The following POLR3E variants were observed in gnomAD, a reference collection of about 807,000 sequenced individuals.
POLR3E encodes DNA-directed RNA polymerase III subunit RPC5.
In POLR3E, 41 loss-of-function variants were observed where a neutral mutation model predicts 96.6. The ratio of observed to expected loss-of-function variants is 0.42; its 90% CI spans 0.33 to 0.55. The LOEUF (loss-of-function observed/expected upper bound fraction) is 0.55. Among genes scored for constraint, POLR3E ranks in the 20% least tolerant of loss-of-function variants. The probability of loss-of-function intolerance (pLI) is 0.06; values close to 1 mark genes in which losing one functional copy is unlikely to be tolerated. For synonymous variants in POLR3E, 396 were observed against 383.6 expected, an observed-to-expected ratio of 1.03 and a Z score of -0.38; for missense variants, 849 against 952.1, an observed-to-expected ratio of 0.89 and a Z score of 1.43.
chr16:22,326,182 C>T lies in POLR3E; in HGVS notation c.1770C>T (p.Ala590=), dbSNP rs771579986. The change falls in exon 18 of 21, where the codon GCC becomes GCT. Residue 590 remains alanine, a synonymous_variant. Coordinates refer to ENST00000299853, the MANE Select transcript of POLR3E (RefSeq NM_018119.4). ...ELKRLFNLHL[A]SLPPGHTLFS... is the part of the protein sequence containing the mutation. Reference sequence around the variant, plus strand: ...AGCGCCTCTTCAATCTGCACTTGGCCAGCCTGCCCCCCGGCCACACACTCT... The same window carrying T: ...AGCGCCTCTTCAATCTGCACTTGGCTAGCCTGCCCCCCGGCCACACACTCT... 3.7e-6 allele frequency: 6 copies of T among 1,614,054 alleles called. No individual in the cohort carries two copies. The South Asian group carries it at 6.6e-5, about 18-fold the overall frequency.
chr16:22,300,824 A>G (rs2048006030), intron 1 of POLR3E, among the ~76,000 whole-genome samples: 1 of 152,204 alleles, frequency 6.6e-6, no homozygotes, highest in East Asian at 1.9e-4. Context: ...TTCCTATTAA[A>G]TAGCATTCCC....
At chr16:22,328,731 C>T (rs764910439) in intron 19 of POLR3E, 144 bp downstream of exon 19, 6 of 678,856 alleles carry the variant, frequency 8.8e-6, no homozygotes, top group Non-Finnish European at 1.6e-5. Flanking sequence ...CCTGCTCCAA[C>T]TCTGTACGCT....
chr16:22,304,603 G>A (rs897103203), intron 2 of POLR3E, among the ~76,000 whole-genome samples: 12 of 152,124 alleles, frequency 7.9e-5, no homozygotes, highest in Admixed American at 7.2e-4. Flanking sequence ...AGGCCCAGGG[G>A]TAGGAGAGCA....
intron 2 of POLR3E, among the ~76,000 whole-genome samples, chr16:22,304,082 A>G (rs984842464): frequency 2.3e-4 from 35 of 152,094 alleles, no homozygotes; most frequent in African/African-American, 8.2e-4. Flanking sequence ...AAGTGCAGAG[A>G]TTACAGGCAT....
Position 22,326,074 on chromosome 16 carries a change from C to T in POLR3E, c.1662C>T (p.Ala554=), listed in dbSNP as rs760184867. The T allele has an allele frequency of 9.3e-6, 15 of 1,612,550 alleles. No individual in the cohort carries two copies. The highest frequency in any genetic ancestry group is 1.3e-5 in the Non-Finnish European group (15 of 1,179,094). Residue 554 remains alanine (A), a synonymous_variant, in exon 18 of 21, where the codon GCC becomes GCT. Coordinates refer to ENST00000299853, the MANE Select transcript of POLR3E (RefSeq NM_018119.4). ...ACGGGCACCCGCCCCAGGGCTGCGC[C>T]AGCACCCCTGTGGCTCGGGAACTGA... The part of the protein sequence containing the change: ...SFNGHPPQGC[A]STPVARELKA...
intron 1 of POLR3E, among the ~76,000 whole-genome samples, chr16:22,302,072 A>C (rs7185156): frequency 0.043 from 6,550 of 152,104 alleles, 470 homozygotes; most frequent in African/African-American, 0.15. Context: ...TGAAATACTC[A>C]ACCTGCCCCG....
At position 22,334,807 on chromosome 16, in the gene POLR3E, TAA is replaced by T. The variant is rs1242290210; in HGVS notation, c.*1108_*1109del. ...CAGCCCTAGAAACTGATGGAAAAAA[TAA>T]GAGTAAGCTAGGTTGGATGACATGT... On this transcript the variant is annotated 3_prime_UTR_variant, in exon 21 of 21. Transcript: ENST00000299853. The T allele has an allele frequency of 2.0e-5, 3 of 152,060 alleles. No individual in the cohort carries two copies. Among genetic ancestry groups the T allele is most frequent in the Non-Finnish European group, 2.9e-5 (2 of 68,008 alleles). The allele number at this position is 152,060 out of a possible 1,614,324, so 9.4% of individuals were successfully genotyped here.
At position 22,326,133 on chromosome 16, in the gene POLR3E, T is replaced by C; in HGVS notation, c.1721T>C (p.Phe574Ser). The C allele has an allele frequency of 1.2e-6, 2 of 1,613,830 alleles. No individual in the cohort carries two copies. The highest frequency in any genetic ancestry group is 1.7e-6 in the Non-Finnish European group (2 of 1,179,970). ...GTGGAGGCCACCTTTCAGAGACAGTTTGTGCTCACGCTGAGCGAACTCAAG... is the reference window on the plus strand; with the variant it reads ...GTGGAGGCCACCTTTCAGAGACAGTCTGTGCTCACGCTGAGCGAACTCAAG... ...AFVEATFQRQ[F>S]VLTLSELKRL... Residue 574 changes from phenylalanine (F) to serine (S), a missense_variant, in exon 18 of 21, where the codon TTT becomes TCT. Physicochemically the swap from Phe to Ser is radical, Grantham distance 155 (BLOSUM62 -2). Transcript: ENST00000299853.
intron 3 of POLR3E, among the ~76,000 whole-genome samples, chr16:22,306,195 A>G (rs1480060134): frequency 6.6e-6 from 1 of 152,140 alleles, no homozygotes; most frequent in Non-Finnish European, 1.5e-5. Flanking sequence ...CTCACTTTGC[A>G]TGATGTTTTC....
At chr16:22,331,138 G>A (rs543207581) in intron 19 of POLR3E, among the ~76,000 whole-genome samples, 14 of 151,618 alleles carry the variant, frequency 9.2e-5, no homozygotes, top group African/African-American at 9.7e-5. Context: ...GCCACCACGC[G>A]TGGCTGATTT....
In POLR3E at chr16:22,308,964, T is replaced by G. The variant is rs547486392; in HGVS notation, c.205T>G (p.Tyr69Asp). ...GGCCATCGACACCCTGAACCCCAAC[T>G]ATTGCCGCAGCAAAGGGGAGCAGAT... The part of the protein sequence containing the change: ...EMAIDTLNPN[Y>D]CRSKGEQIAL... The change falls in exon 5 of 21, where the codon TAT becomes GAT. Residue 69 changes from tyrosine to aspartate, a missense_variant. Physicochemically the swap from Tyr to Asp is radical, Grantham distance 160. Transcript: ENST00000299853. 6.2e-7 allele frequency: 1 copy of G among 1,614,038 alleles called. No individual in the cohort carries two copies. Among genetic ancestry groups the G allele is most frequent in the African/African-American group, 1.3e-5 (1 of 75,030 alleles).
chr16:22,317,105 C>A lies in POLR3E; in HGVS notation c.774-10C>A, dbSNP rs765376010. ...GGCTGCCTCTAACCCGTCCCCTCTGCTTTTCCCAGAGACAAGCCTGTGGCC... is the reference window on the plus strand; with the variant it reads ...GGCTGCCTCTAACCCGTCCCCTCTGATTTTCCCAGAGACAAGCCTGTGGCC... On this transcript the variant is annotated splice_polypyrimidine_tract_variant and intron_variant, in intron 11 of 20. Coordinates refer to ENST00000299853, the MANE Select transcript of POLR3E (RefSeq NM_018119.4). 1.2e-6 allele frequency: 2 copies of A among 1,614,010 alleles called. No homozygotes were observed. The highest frequency in any genetic ancestry group is 3.3e-5 in the Admixed American group (2 of 60,024).
chr16:22,326,107 C>T lies in POLR3E; in HGVS notation c.1695C>T (p.Phe565=), dbSNP rs1339568375. The T allele has an allele frequency of 3.1e-6, 5 of 1,613,840 alleles. No individual in the cohort carries two copies. The highest frequency in any genetic ancestry group is 1.1e-5 in the South Asian group (1 of 91,064). The change falls in exon 18 of 21, where the codon TTC becomes TTT. Residue 565 remains phenylalanine (F), a synonymous_variant. Coordinates refer to ENST00000299853, the MANE Select transcript of POLR3E (RefSeq NM_018119.4). ...STPVARELKA[F]VEATFQRQFV... ...CTGTGGCTCGGGAACTGAAGGCCTTCGTGGAGGCCACCTTTCAGAGACAGT... is the reference window on the plus strand; with the variant it reads ...CTGTGGCTCGGGAACTGAAGGCCTTTGTGGAGGCCACCTTTCAGAGACAGT...
In POLR3E at chr16:22,332,051, C is replaced by T. The variant is rs746901213; in HGVS notation, c.1945-9C>T. ...TGTTTCCCATCATAACGTGTTTTTG[C>T]TACTAAAGCATCGACAGGTTTTGCT... On this transcript the variant is annotated splice_polypyrimidine_tract_variant and intron_variant, in intron 19 of 20. Transcript: ENST00000299853. The T allele has an allele frequency of 2.5e-6, 4 of 1,611,940 alleles. No homozygotes were observed. Among genetic ancestry groups the T allele is most frequent in the Non-Finnish European group, 3.4e-6 (4 of 1,179,050 alleles).
chr16:22,298,129 A>G (rs948389887), intron 1 of POLR3E, among the ~76,000 whole-genome samples: 1 of 152,236 alleles, frequency 6.6e-6, no homozygotes, highest in Non-Finnish European at 1.5e-5. Context: ...AGCCCTGACC[A>G]TTCGGTCCGA....
chr16:22,298,391 T>G (rs2047940883), intron 1 of POLR3E, among the ~76,000 whole-genome samples: 1 of 152,316 alleles, frequency 6.6e-6, no homozygotes, highest in South Asian at 2.1e-4. Flanking sequence ...TGTTGTCAAG[T>G]AATAACAAAC....
chr16:22,298,626 T>C (rs755310233), intron 1 of POLR3E, among the ~76,000 whole-genome samples: 5 of 152,168 alleles, frequency 3.3e-5, no homozygotes, highest in Admixed American at 6.5e-5. Context: ...CTGCCGTTTA[T>C]CAGAAAACCG....
chr16:22,325,264 C>G lies in POLR3E; in HGVS notation c.1346C>G (p.Ser449Ter), dbSNP rs770702495. 6.2e-7 allele frequency: 1 copy of G among 1,612,948 alleles called. No homozygotes were observed. Among genetic ancestry groups the G allele is most frequent in the Non-Finnish European group, 8.5e-7 (1 of 1,178,952 alleles). Residue 449 changes from serine to a stop codon, truncating the protein, a stop_gained and splice_region_variant, in exon 17 of 21, where the codon TCA becomes TGA. Transcript: ENST00000299853. LOFTEE classifies it high-confidence loss of function. ...ETMPKKPDAQ[S>*]GPAGLVCGDQ... The stretch of plus-strand genomic sequence containing the variant: ...ATGCCAAAGAAGCCGGATGCACAAT[C>G]AGGTGTGTGAGGGGCTTTGGGCTGG...
chr16:22,316,899 G>A (rs2048366954), intron 10 of POLR3E, 96 bp from the exon 11 acceptor site: 23 of 1,378,352 alleles, frequency 1.7e-5, no homozygotes, highest in Non-Finnish European at 2.3e-5. Context: ...GGGGTGGGCT[G>A]TCTGCACCCT....
Sources: gnomAD v4.1 joint callset for allele counts (sites outside exome capture counted in the v4.1 genomes callset) on GRCh38, gnomAD v4.1.1 for gene constraint, MANE v1.5 for transcripts, NCBI Gene and HGNC (gene_info 2026-07-23, HGNC 2026-07-21) for gene names.